The following SLC52A3 variants were observed in gnomAD, a reference collection of about 807,000 sequenced individuals.
SLC52A3 encodes the protein solute carrier family 52 member 3, also known as solute carrier family 52, riboflavin transporter, member 3.
SLC52A3 carries 20 observed loss-of-function variants against 29.5 expected under a neutral mutation model. The ratio of observed to expected loss-of-function variants is 0.68; its 90% CI spans 0.48 to 0.99. SLC52A3 has a LOEUF of 0.99. Ranked by LOEUF, SLC52A3 falls within the 50% of genes least tolerant of loss-of-function variation. The pLI is 0.00. For missense variants in SLC52A3, 548 were observed against 612.9 expected (o/e 0.89, Z 1.12); for synonymous variants, 301 against 271.0 (o/e 1.11, Z -1.09).
In SLC52A3 at chr20:760,277, C is replaced by G. The variant is rs1986410659; in HGVS notation, c.*749G>C. On this transcript the variant is annotated 3_prime_UTR_variant, in exon 5 of 5. Coordinates refer to ENST00000645534, the MANE Select transcript of SLC52A3 (RefSeq NM_033409.4). This position sits in a 1 kb window ranked among gnomAD's most constrained non-coding sequence, Gnocchi z 4.9. ...CCCACCAGCAAATCATCTCTCCCGG[C>G]TTCCAGGAGGGTACTTACTCTCCAA... 6.6e-6 allele frequency: 1 copy of G among 152,222 alleles called. No individual in the cohort carries two copies. The allele number at this position is 152,222 out of a possible 1,614,324, so 9.4% of individuals were successfully genotyped here.
At chr20:771,920 A>G (rs1226942477), upstream of SLC52A3, among the ~76,000 whole-genome samples, 1 of 152,238 alleles carries the variant, frequency 6.6e-6, no homozygotes, top group Non-Finnish European at 1.5e-5. Context: ...TCACCCTTCC[A>G]GGTCAAGACA....
chr20:764,322 T>G (rs1158597415), intron 2 of SLC52A3, among the ~76,000 whole-genome samples: 1 of 152,164 alleles, frequency 6.6e-6, no homozygotes, highest in Non-Finnish European at 1.5e-5. Flanking sequence ...AAAGCCAGAC[T>G]CCACCTGGTG....
At chr20:778,549 C>T (rs954576760), upstream of SLC52A3, among the ~76,000 whole-genome samples, 13 of 152,028 alleles carry the variant, frequency 8.6e-5, no homozygotes, top group African/African-American at 2.7e-4. Flanking sequence ...CAATTTAATT[C>T]ATAGCCCAGC....
intron 1 of SLC52A3, among the ~76,000 whole-genome samples, chr20:767,703 A>C (rs1314538462): frequency 1.3e-5 from 2 of 152,144 alleles, no homozygotes; most frequent in African/African-American, 4.8e-5. Flanking sequence ...GAACCATGTA[A>C]ACATATTACC....
intron 4 of SLC52A3, 29 bp downstream of exon 4, chr20:761,672 G>A (rs1050556428): frequency 7.4e-6 from 12 of 1,612,520 alleles, no homozygotes; most frequent in Non-Finnish European, 1.0e-5. Flanking sequence ...GGTACGCAGC[G>A]GGAGCAGCCC....
rs745404583 is a variant in SLC52A3 at position 765,763 on chromosome 20, C to G, written c.12G>C (p.Leu4=). 1 of 1,601,678 alleles carries G rather than the reference C, an allele frequency of 6.2e-7. No individual in the cohort carries two copies. Among genetic ancestry groups the G allele is most frequent in the South Asian group, 1.1e-5 (1 of 90,684 alleles). Residue 4 remains leucine (L), a synonymous_variant, in exon 2 of 5, where the codon CTG becomes CTC. Transcript: ENST00000645534. The surrounding 1 kb of genome is among the most constrained non-coding windows in gnomAD (Gnocchi z 6.6). ...CGAAGACGCAGACCAGCAGGTGCATCAGGAAGGCCATGGCGGTATCTGCCC... is the reference window on the plus strand; with the variant it reads ...CGAAGACGCAGACCAGCAGGTGCATGAGGAAGGCCATGGCGGTATCTGCCC... MAF[L]MHLLVCVFGM...
chr20:762,011 C>G (rs1181511286), intron 3 of SLC52A3, among the ~76,000 whole-genome samples, 187 bp from the exon 4 acceptor site: 1 of 152,212 alleles, frequency 6.6e-6, no homozygotes, highest in Non-Finnish European at 1.5e-5. Flanking sequence ...TGAGTCATCC[C>G]CAGCATTAAC....
chr20:777,425 C>T (rs1987089639), upstream of SLC52A3, among the ~76,000 whole-genome samples: 1 of 152,164 alleles, frequency 6.6e-6, no homozygotes, highest in African/African-American at 2.4e-5. Flanking sequence ...GACCCAGGCT[C>T]CTCTTCTTTC....
At position 765,218 on chromosome 20, in the gene SLC52A3, T is replaced by C; in HGVS notation, c.557A>G (p.Asp186Gly). 6.2e-7 allele frequency: 1 copy of C among 1,614,142 alleles called. No homozygotes were observed. The change falls in exon 2 of 5, where the codon GAC becomes GGC. Residue 186 changes from aspartate to glycine, a missense_variant. Transcript: ENST00000645534. This position sits in a 1 kb window ranked among gnomAD's most constrained non-coding sequence, Gnocchi z 6.6. ...GGTGATGCTGGGTACCTGTGCGATG[T>C]CAGTCTCCCTCGTGGGTACAGGGCT... ...VPSPVPTRET[D>G]IAQGVPRALV...
upstream of SLC52A3, among the ~76,000 whole-genome samples, chr20:778,959 A>G (rs1039326032): frequency 6.6e-6 from 1 of 152,186 alleles, no homozygotes; most frequent in Non-Finnish European, 1.5e-5. Flanking sequence ...AACTCAATCC[A>G]AACAGAATAA....
rs567060215 is a variant in SLC52A3, at chr20:761,167, G to T, written c.1269C>A (p.Asp423Glu). 1.3e-6 allele frequency: 2 copies of T among 1,577,746 alleles called. No individual in the cohort carries two copies. Among genetic ancestry groups the T allele is most frequent in the Non-Finnish European group, 1.7e-6 (2 of 1,163,436 alleles). Residue 423 changes from aspartate (D) to glutamate (E), a missense_variant, in exon 5 of 5, where the codon GAC (aspartate) becomes GAA (glutamate). By Grantham distance (45) the Asp-to-Glu change is conservative (BLOSUM62 2). Transcript: ENST00000645534. ...VKVMLGVVLR[D>E]LSRSALLWCG... is the part of the protein sequence containing the mutation. ...ACCACAAGAGGGCGCTGCGGCTGAG[G>T]TCGCGCAGGACCACGCCCAGCATCA...
intron 4 of SLC52A3, 76 bp from the exon 5 acceptor site, chr20:761,314 G>A: frequency 3.5e-6 from 5 of 1,418,998 alleles, no homozygotes; most frequent in Non-Finnish European, 4.7e-6. Flanking sequence ...ACTCTCACAG[G>A]GCTCAGGGGA....
intron 1 of SLC52A3, among the ~76,000 whole-genome samples, chr20:775,267 TC>T (rs889994768): frequency 8.0e-5 from 9 of 112,988 alleles, no homozygotes; most frequent in African/African-American, 2.1e-4. Context: ...GGGGGCCCAG[TC>T]TTTTTTTTTT....
At chr20:770,348 G>A (rs908443703), upstream of SLC52A3, among the ~76,000 whole-genome samples, 4 of 152,016 alleles carry the variant, frequency 2.6e-5, no homozygotes, top group Admixed American at 2.6e-4. The surrounding 1 kb of genome is among the most constrained non-coding windows in gnomAD (Gnocchi z 4.5). Flanking sequence ...TAGTAGAGAC[G>A]GGGTTTCTCC....
chr20:772,231 C>T (rs1181032883), upstream of SLC52A3, among the ~76,000 whole-genome samples: 1 of 152,186 alleles, frequency 6.6e-6, no homozygotes, highest in Non-Finnish European at 1.5e-5. Flanking sequence ...CCCACAAAGA[C>T]GAATTCTCTG....
chr20:763,985 C>T lies in SLC52A3; in HGVS notation c.586G>A (p.Val196Met), dbSNP rs1986588243. 22 of 1,584,320 alleles carry T rather than the reference C, an allele frequency of 1.4e-5. No homozygotes were observed. The highest frequency in any genetic ancestry group is 1.8e-5 in the Non-Finnish European group (21 of 1,166,086). Residue 196 changes from valine (V) to methionine (M), a missense_variant, in exon 3 of 5, where the codon GTG becomes ATG. By Grantham distance (21) the Val-to-Met change is conservative. Around this residue, in one of 2 missense-constraint regions of SLC52A3, gnomAD observed 375 missense variants for 471.1 expected, o/e 0.80. Coordinates refer to ENST00000645534, the MANE Select transcript of SLC52A3 (RefSeq NM_033409.4). ...DIAQGVPRAL[V>M]SALPGMEAPL... Reference sequence around the variant, plus strand: ...GCTTCCATTCCGGGGAGGGCGGACACCAAAGCTCTGGGAACTCCCTGCAAA... The same window carrying T: ...GCTTCCATTCCGGGGAGGGCGGACATCAAAGCTCTGGGAACTCCCTGCAAA...
chr20:763,466 C>T lies in SLC52A3; in HGVS notation c.1073+32G>A, dbSNP rs774089436. On this transcript the variant is annotated intron_variant, in intron 3 of 4. Coordinates refer to ENST00000645534, the MANE Select transcript of SLC52A3 (RefSeq NM_033409.4). Reference sequence around the variant, plus strand: ...GGTTCTGAAATGAAGTGTTCCCCCACTAGGATTCCCTAGGACCAGATGAGG... The same window carrying T: ...GGTTCTGAAATGAAGTGTTCCCCCATTAGGATTCCCTAGGACCAGATGAGG... 2.2e-5 allele frequency: 35 copies of T among 1,613,284 alleles called. 1 individual carries two copies. In the East Asian group the frequency reaches 7.4e-4, roughly 34 times the overall value.
rs1236849359 is a variant in SLC52A3 at position 765,312 on chromosome 20, C to T, written c.463G>A (p.Val155Met). Residue 155 changes from valine to methionine, a missense_variant, in exon 2 of 5, where the codon GTG (valine) becomes ATG (methionine). Coordinates refer to ENST00000645534, the MANE Select transcript of SLC52A3 (RefSeq NM_033409.4). The surrounding 1 kb of genome is among the most constrained non-coding windows in gnomAD (Gnocchi z 6.6). ...EGLSGLLPAL[V>M]ALAQGSGLTT... ...AGACCGGAGCCCTGGGCAAGAGCCA[C>T]CAGGGCGGGCAAGAGGCCGCTGAGT... 1.2e-6 allele frequency: 2 copies of T among 1,614,066 alleles called. No homozygotes were observed. The highest frequency in any genetic ancestry group is 1.7e-6 in the Non-Finnish European group (2 of 1,179,982).
At chr20:767,719 C>T (rs547002568) in intron 1 of SLC52A3, among the ~76,000 whole-genome samples, 1 of 152,272 alleles carries the variant, frequency 6.6e-6, no homozygotes, top group East Asian at 1.9e-4. Flanking sequence ...TTACCTGATG[C>T]AAATATATGG....
Sources: gnomAD v4.1 joint callset for allele counts (sites outside exome capture counted in the v4.1 genomes callset) on GRCh38, gnomAD v4.1.1 for gene constraint, gnomAD v4.1.1 regional missense constraint, Gnocchi (gnomAD v3.1) non-coding constraint, MANE v1.5 for transcripts, NCBI Gene and HGNC (gene_info 2026-07-23, HGNC 2026-07-21) for gene names.